The following DNAH11 variants were observed in gnomAD, a reference collection of about 807,000 sequenced individuals.
DNAH11 encodes dynein axonemal heavy chain 11.
A neutral mutation model predicts 526.0 loss-of-function variants in DNAH11; 442 were observed. The ratio of observed to expected loss-of-function variants is 0.84; its 90% CI spans 0.78 to 0.91. The LOEUF is 0.91. Ranked by LOEUF, DNAH11 falls within the 40% of genes least tolerant of loss-of-function variation. The probability of loss-of-function intolerance (pLI) is 0.00; values close to 1 mark genes in which losing one functional copy is unlikely to be tolerated. For synonymous variants in DNAH11, 2,461 were observed against 1,935.9 expected (o/e 1.27, Z -7.12); for missense variants, 6,989 against 5,448.7 (o/e 1.28, Z -8.90).
At chr7:21,717,020 C>A (rs1392627797) in intron 42 of DNAH11, among the ~76,000 whole-genome samples, 1 of 152,102 alleles carries the variant, frequency 6.6e-6, no homozygotes, top group African/African-American at 2.4e-5. Flanking sequence ...ATTTATTCCC[C>A]ATGCTTCATC....
Position 21,690,965 on chromosome 7 carries a change from T to G in DNAH11, c.6041+84T>G, listed in dbSNP as rs1783591805. On this transcript the variant is annotated intron_variant, in intron 35 of 81. Transcript: ENST00000409508. ...GTTTGCACTGTTAAGTGGTTTGCTT[T>G]TACTTGAAAATTCCTAAGGAAAATC... 14 of 1,001,602 alleles carry G rather than the reference T, an allele frequency of 1.4e-5. No individual in the cohort carries two copies. In the South Asian group the frequency reaches 2.2e-4, roughly 16 times the overall value. 62.0% of individuals were successfully genotyped at this position (1,001,602 alleles called of 1,614,324 possible). A position where few individuals can be genotyped will look rare whatever the true frequency, so the allele number is the denominator to read the frequency against.
In DNAH11 at chr7:21,591,029, G is replaced by C. The variant is rs1784656226; in HGVS notation, c.2274+7G>C. Reference sequence around the variant, plus strand: ...AAGGAACACTATTTTAAAGGTTTGTGATTTTTGTTAAAAAAAAGATACTAG... The same window carrying C: ...AAGGAACACTATTTTAAAGGTTTGTCATTTTTGTTAAAAAAAAGATACTAG... On this transcript the variant is annotated splice_region_variant and intron_variant, in intron 13 of 81. Coordinates refer to ENST00000409508, the MANE Select transcript of DNAH11 (RefSeq NM_001277115.2). 6.8e-7 allele frequency: 1 copy of C among 1,479,510 alleles called. No homozygotes were observed. Among genetic ancestry groups the C allele is most frequent in the Non-Finnish European group, 8.9e-7 (1 of 1,121,732 alleles). The allele number at this position is 1,479,510 out of a possible 1,614,324, so 91.6% of individuals were successfully genotyped here. A position where few individuals can be genotyped will look rare whatever the true frequency, so the allele number is the denominator to read the frequency against.
intron 46 of DNAH11, 102 bp from the exon 47 acceptor site, chr7:21,738,599 G>A (rs1195162758): frequency 4.0e-6 from 5 of 1,235,086 alleles, no homozygotes; most frequent in Non-Finnish European, 5.6e-6. Flanking sequence ...TGAAACCACA[G>A]GGTGGATGAA....
chr7:21,590,754 A>G (rs1319687285), intron 12 of DNAH11, among the ~76,000 whole-genome samples, 164 bp from the exon 13 acceptor site: 1 of 152,222 alleles, frequency 6.6e-6, no homozygotes, highest in Non-Finnish European at 1.5e-5. Context: ...TTATGAATGT[A>G]TGATTTTTGT....
intron 30 of DNAH11, among the ~76,000 whole-genome samples, chr7:21,667,647 G>C (rs1189439310): frequency 6.6e-6 from 1 of 152,094 alleles, no homozygotes; most frequent in African/African-American, 2.4e-5. Context: ...ATTAACATGA[G>C]AGTTGGTTCT....
chr7:21,651,710 G>A (rs147103620), intron 28 of DNAH11, among the ~76,000 whole-genome samples: 7 of 152,330 alleles, frequency 4.6e-5, no homozygotes, highest in African/African-American at 1.4e-4. Context: ...ATGAATTTCA[G>A]TCACTAAGGT....
chr7:21,675,468 T>C (rs1010309980), intron 30 of DNAH11, among the ~76,000 whole-genome samples: 1 of 152,238 alleles, frequency 6.6e-6, no homozygotes, highest in Non-Finnish European at 1.5e-5. Flanking sequence ...CTAATCCCTA[T>C]ATCAGGCAAG....
chr7:21,803,482 GT>G (rs1234792848), intron 62 of DNAH11, among the ~76,000 whole-genome samples: 2 of 152,012 alleles, frequency 1.3e-5, no homozygotes, highest in Non-Finnish European at 2.9e-5. Context: ...ATCAGCTGGG[GT>G]TTTCTCCTTT....
At chr7:21,753,974 T>C (rs1220887452) in intron 54 of DNAH11, among the ~76,000 whole-genome samples, 1 of 152,222 alleles carries the variant, frequency 6.6e-6, no homozygotes, top group Non-Finnish European at 1.5e-5. Flanking sequence ...ATTATTTGTA[T>C]ATAGGAGAGC....
intron 65 of DNAH11, among the ~76,000 whole-genome samples, chr7:21,828,403 T>G (rs753141640): frequency 2.6e-5 from 4 of 152,232 alleles, no homozygotes; most frequent in Non-Finnish European, 5.9e-5. Context: ...AAAATAAAAT[T>G]TAATTGCCAC....
At chr7:21,591,107 T>C (rs1415600556) in intron 13 of DNAH11, 78 bp from the exon 14 acceptor site, 3 of 1,450,312 alleles carry the variant, frequency 2.1e-6, no homozygotes, top group Non-Finnish European at 2.7e-6. Context: ...TAGATCTATA[T>C]GATATTTTTA....
chr7:21,705,150 A>G (rs4404825), intron 38 of DNAH11, among the ~76,000 whole-genome samples: 7,976 of 152,236 alleles, frequency 0.052, 604 homozygotes, highest in East Asian at 0.21. Context: ...AGTTGTAGAT[A>G]GTGATTGGCT....
chr7:21,652,503 T>G (rs1266570270), intron 28 of DNAH11, among the ~76,000 whole-genome samples: 1 of 152,210 alleles, frequency 6.6e-6, no homozygotes, highest in East Asian at 1.9e-4. Flanking sequence ...CGAAGACTGT[T>G]TAGTGTTTTA....
rs538655727 is a variant in DNAH11, at chr7:21,831,926, C to T, written c.10692-10618C>T. Reference sequence around the variant, plus strand: ...CCAGCAAGGTGAAACCCCATCTCTACTAAAAATATAAAAATTAGCCAGGTG... The same window carrying T: ...CCAGCAAGGTGAAACCCCATCTCTATTAAAAATATAAAAATTAGCCAGGTG... On this transcript the variant is annotated intron_variant, in intron 65 of 81. Transcript: ENST00000409508. Among the ~76,000 whole-genome samples, 102 of 151,942 alleles carry T rather than the reference C, an allele frequency of 6.7e-4. 1 individual carries two copies. Among genetic ancestry groups the T allele is most frequent in the Admixed American group, 2.3e-3 (35 of 15,282 alleles).
Position 21,702,811 on chromosome 7 carries a change from A to C in DNAH11, c.6273+9A>C, listed in dbSNP as rs192777767. 90 of 1,608,996 alleles carry C rather than the reference A, an allele frequency of 5.6e-5. No homozygotes were observed. In the East Asian group the frequency reaches 6.9e-4, roughly 12 times the overall value. On this transcript the variant is annotated intron_variant, in intron 37 of 81. Transcript: ENST00000409508. ...ATAGACCCGAAGATCAGGTACTGCA[A>C]TGCTAATATGATTTTGTTGAGTGAG...
chr7:21,778,513 A>G lies in DNAH11; in HGVS notation c.9337-445A>G, dbSNP rs545588975. Among the ~76,000 whole-genome samples, 200 of 152,290 alleles carry G rather than the reference A, an allele frequency of 1.3e-3. 1 individual carries two copies. The highest frequency in any genetic ancestry group is 6.8e-3 in the Middle Eastern group (2 of 294). ...ATTAATCTGCAGTCAGGCAAGGAGC[A>G]TTCATGTCGTCAACTTACTGAAGCC... On this transcript the variant is annotated intron_variant, in intron 56 of 81. Transcript: ENST00000409508.
intron 30 of DNAH11, among the ~76,000 whole-genome samples, chr7:21,661,918 A>G (rs1172503285): frequency 6.6e-6 from 1 of 151,998 alleles, no homozygotes; most frequent in Admixed American, 6.6e-5. Flanking sequence ...CTTCCAGGTC[A>G]AGCAATTCTC....
intron 9 of DNAH11, among the ~76,000 whole-genome samples, chr7:21,582,958 A>C (rs1418530438): frequency 6.6e-6 from 1 of 152,062 alleles, no homozygotes; most frequent in African/African-American, 2.4e-5. Flanking sequence ...AACATAAAGA[A>C]TTCACGAGGA....
Position 21,773,904 on chromosome 7 carries a change from T to C in DNAH11, c.9241T>C (p.Phe3081Leu), listed in dbSNP as rs759593113. Residue 3081 changes from phenylalanine (F) to leucine (L), a missense_variant, in exon 56 of 82, where the codon TTT becomes CTT. Phe to Leu is a conservative substitution (Grantham distance 22). Coordinates refer to ENST00000409508, the MANE Select transcript of DNAH11 (RefSeq NM_001277115.2). ...GAGTTTTCTAGAACAAATATCACTG[T>C]TTAAGAACCTGTTGAAGAAGAAGCA... is the stretch of plus-strand genomic sequence containing the variant. ...PKSFLEQISL[F>L]KNLLKKKQNE... 1.4e-5 allele frequency: 23 copies of C among 1,602,240 alleles called. No individual in the cohort carries two copies. The highest frequency in any genetic ancestry group is 5.2e-5 in the Admixed American group (3 of 58,122).
Sources: allele counts gnomAD v4.1 joint callset (sites outside exome capture counted in the v4.1 genomes callset), GRCh38; gene constraint gnomAD v4.1.1; transcripts MANE v1.5; gene names NCBI Gene and HGNC (gene_info 2026-07-23, HGNC 2026-07-21).